Variants in TMEM182 observed in about 807,000 individuals in gnomAD.
TMEM182 encodes transmembrane protein 182.
A neutral mutation model predicts 26.8 loss-of-function variants in TMEM182; 20 were observed. The observed-to-expected ratio is 0.75, with a 90% CI of 0.53 to 1.09. The LOEUF is 1.09. TMEM182 is among the 50% of genes least tolerant of loss of function. The pLI is 0.00. For synonymous variants in TMEM182, 109 were observed against 102.2 expected (o/e 1.07, Z -0.40); for missense variants, 277 against 275.5 (o/e 1.01, Z -0.04).
At chr2:102,790,861 T>C (rs1295666515) in intron 3 of TMEM182, among the ~76,000 whole-genome samples, 1 of 152,228 alleles carries the variant, frequency 6.6e-6, no homozygotes, top group Admixed American at 6.5e-5. Flanking sequence ...GGATTTACAT[T>C]CCCTAAATCC....
chr2:102,817,529 G>T lies in TMEM182; in HGVS notation c.*2561G>T, dbSNP rs1449906987. The stretch of plus-strand genomic sequence containing the variant: ...CTACACAGAGAAGTTTAATGATCGT[G>T]TACAATTTGAGGGTTGATGGTAGGG... On this transcript the variant is annotated 3_prime_UTR_variant, in exon 5 of 5. Transcript: ENST00000412401. 1.0e-6 allele frequency: 1 copy of T among 985,234 alleles called. No homozygotes were observed. The highest frequency in any genetic ancestry group is 1.7e-5 in the African/African-American group (1 of 57,224). 61.0% of individuals were successfully genotyped at this position (985,234 alleles called of 1,614,324 possible).
chr2:102,772,990 T>C (rs775444689), intron 3 of TMEM182, among the ~76,000 whole-genome samples: 78 of 152,050 alleles, frequency 5.1e-4, no homozygotes, highest in Non-Finnish European at 1.0e-3. Context: ...TGGCAGACTT[T>C]CCAGCCAAGA....
At chr2:102,785,458 G>T (rs1046256093) in intron 3 of TMEM182, among the ~76,000 whole-genome samples, 4 of 152,136 alleles carry the variant, frequency 2.6e-5, no homozygotes, top group African/African-American at 9.7e-5. Flanking sequence ...AGACTGCTTG[G>T]TGGCACATAT....
chr2:102,757,953 A>C (rs1160171049), upstream of TMEM182, among the ~76,000 whole-genome samples: 1 of 152,210 alleles, frequency 6.6e-6, no homozygotes, highest in Non-Finnish European at 1.5e-5. Context: ...CTCACTCACT[A>C]TCATGAGAGC....
chr2:102,798,113 T>C lies in TMEM182; in HGVS notation c.469+113T>C, dbSNP rs1048084172. 31 of 1,315,524 alleles carry C rather than the reference T, an allele frequency of 2.4e-5. No homozygotes were observed. In the South Asian group the frequency reaches 3.8e-4, roughly 16 times the overall value. The allele number at this position is 1,315,524 out of a possible 1,614,324, so 81.5% of individuals were successfully genotyped here. On this transcript the variant is annotated intron_variant, in intron 4 of 4. Transcript: ENST00000412401. ...TCTAGTAACAGTAACACAATAATATTTGTATACAATACTTCTTGAACACTA... is the reference window on the plus strand; with the variant it reads ...TCTAGTAACAGTAACACAATAATATCTGTATACAATACTTCTTGAACACTA...
In TMEM182 at chr2:102,795,000, T is replaced by A. The variant is rs1057453196; in HGVS notation, c.332-2863T>A. On this transcript the variant is annotated intron_variant, in intron 3 of 4. Coordinates refer to ENST00000412401, the MANE Select transcript of TMEM182 (RefSeq NM_144632.5). ...TTATTTTGTTTTCAATCTTTTTTCT[T>A]TCTGTTTCTCATATTGAATAATTTT... is the stretch of plus-strand genomic sequence containing the variant. Among the ~76,000 whole-genome samples the A allele has an allele frequency of 3.9e-5, 6 of 152,182 alleles. No homozygotes were observed. The East Asian group carries it at 1.2e-3, about 29-fold the overall frequency.
chr2:102,812,258 C>G (rs1682579158), intron 4 of TMEM182, among the ~76,000 whole-genome samples: 1 of 152,152 alleles, frequency 6.6e-6, no homozygotes, highest in South Asian at 2.1e-4. Flanking sequence ...TGTTTCCTCT[C>G]TTGACCACAT....
At chr2:102,784,259 C>T (rs949941740) in intron 3 of TMEM182, among the ~76,000 whole-genome samples, 13 of 152,160 alleles carry the variant, frequency 8.5e-5, no homozygotes, top group Non-Finnish European at 1.2e-4. Flanking sequence ...TCAGAGTTTT[C>T]CATGCCTTTG....
chr2:102,836,234 T>G (rs1683244467), intron 3 of TMEM182, among the ~76,000 whole-genome samples: 1 of 152,178 alleles, frequency 6.6e-6, no homozygotes, highest in Non-Finnish European at 1.5e-5. Flanking sequence ...AAATTTTAAC[T>G]TATTTGGGTA....
At chr2:102,824,287 T>C (rs896010890) in intron 3 of TMEM182, among the ~76,000 whole-genome samples, 6 of 152,204 alleles carry the variant, frequency 3.9e-5, no homozygotes, top group Non-Finnish European at 7.3e-5. Flanking sequence ...TAATTTTACC[T>C]GTCCTCAGTG....
chr2:102,738,016 T>C (rs1300400228), intron 1 of TMEM182, among the ~76,000 whole-genome samples: 3 of 152,202 alleles, frequency 2.0e-5, no homozygotes, highest in African/African-American at 7.2e-5. Context: ...TTAAGACATA[T>C]AATTGAATCC....
chr2:102,843,165 C>T (rs974886022), intron 3 of TMEM182, among the ~76,000 whole-genome samples: 6 of 152,114 alleles, frequency 3.9e-5, no homozygotes, highest in East Asian at 3.9e-4. Flanking sequence ...TGCTGAGATC[C>T]GCCATGTCAG....
In TMEM182 at chr2:102,750,119, T is replaced by C. The variant is rs138698873; in HGVS notation, c.-82-8270T>C. ...AAAGCATTTTTTTGCTTAAGTAGTA[T>C]GCTACTTGCACAGATTCACTTTCGC... On this transcript the variant is annotated intron_variant, in intron 1 of 5. Transcript: ENST00000409173. 5.3e-4 allele frequency among the ~76,000 whole-genome samples: 80 copies of C among 152,300 alleles called. No homozygotes were observed. The East Asian group carries it at 0.015, about 28-fold the overall frequency.
In TMEM182 at chr2:102,831,824, C is replaced by T. The variant is rs1322576847; in HGVS notation, c.326-11588C>T. 2.6e-5 allele frequency among the ~76,000 whole-genome samples: 4 copies of T among 152,024 alleles called. 1 individual carries two copies. The highest frequency in any genetic ancestry group is 9.7e-5 in the African/African-American group (4 of 41,384). ...CAGAACTTCTGGGTCTTGGGATATG[C>T]TTCTTAATGGGGGTCTTCACCATGA... On this transcript the variant is annotated intron_variant, in intron 3 of 3. Transcript: ENST00000486293.
intron 4 of TMEM182, among the ~76,000 whole-genome samples, chr2:102,799,747 C>A (rs114769403): frequency 0.015 from 2,355 of 152,254 alleles, 67 homozygotes; most frequent in African/African-American, 0.053. Flanking sequence ...ATTCCTTTGT[C>A]CTTTGTGGCC....
At chr2:102,766,439 C>T (rs1015102602) in intron 3 of TMEM182, among the ~76,000 whole-genome samples, 1 of 152,112 alleles carries the variant, frequency 6.6e-6, no homozygotes, top group Non-Finnish European at 1.5e-5. Context: ...CTTTCAGAAA[C>T]TTTGTCAATC....
At chr2:102,752,116 C>T (rs1679891593) in intron 1 of TMEM182, among the ~76,000 whole-genome samples, 5 of 152,180 alleles carry the variant, frequency 3.3e-5, no homozygotes, top group Admixed American at 3.3e-4. Context: ...AGGATTTAGT[C>T]CATAGACAGT....
At chr2:102,790,177 A>G (rs1247365436) in intron 3 of TMEM182, among the ~76,000 whole-genome samples, 1 of 152,232 alleles carries the variant, frequency 6.6e-6, no homozygotes, top group Non-Finnish European at 1.5e-5. Flanking sequence ...TTGCACGTAG[A>G]AAGCCCTCAG....
chr2:102,782,540 A>C (rs915387396), intron 3 of TMEM182, among the ~76,000 whole-genome samples: 1 of 152,136 alleles, frequency 6.6e-6, no homozygotes, highest in Non-Finnish European at 1.5e-5. Context: ...GCCCCCTTGA[A>C]TCTTAATACA....
Sources: allele counts gnomAD v4.1 joint callset (sites outside exome capture counted in the v4.1 genomes callset), GRCh38; gene constraint gnomAD v4.1.1; transcripts MANE v1.5; gene names NCBI Gene and HGNC (gene_info 2026-07-23, HGNC 2026-07-21).